MYH2: variants seen among roughly 807,000 people sequenced by gnomAD.
MYH2 encodes the protein myosin heavy chain 2, also known as myosin-2.
A neutral mutation model predicts 228.1 loss-of-function variants in MYH2; 139 were observed. The observed-to-expected ratio is 0.61, with a 90% CI of 0.53 to 0.70. The LOEUF (loss-of-function observed/expected upper bound fraction) is 0.70. Ranked by LOEUF, MYH2 falls within the 30% of genes least tolerant of loss-of-function variation. The pLI is 0.00. For synonymous variants in MYH2, 796 were observed against 871.1 expected (o/e 0.91, Z 1.52); for missense variants, 1,809 against 2,357.5 (o/e 0.77, Z 4.82).
chr17:10,533,214 G>C lies in MYH2; in HGVS notation c.2441+71C>G. The C allele has an allele frequency of 1.3e-6, 2 of 1,596,112 alleles. 1 individual carries two copies. The highest frequency in any genetic ancestry group is 2.2e-5 in the South Asian group (2 of 90,568). ...TTCTTTAGTGTCCTTATCATAAGCT[G>C]AGTCTTAACTGTAAGCCATTTCAAA... On this transcript the variant is annotated intron_variant, in intron 21 of 39. Transcript: ENST00000245503.
intron 5 of MYH2, 98 bp downstream of exon 5, chr17:10,545,248 G>A (rs558200739): frequency 7.5e-6 from 12 of 1,604,960 alleles, no homozygotes; most frequent in Non-Finnish European, 1.0e-5. Context: ...AACTAAAAGG[G>A]ACGATCTCAA....
intron 8 of MYH2, among the ~76,000 whole-genome samples, 196 bp from the exon 9 acceptor site, chr17:10,543,357 G>A (rs966523795): frequency 6.6e-6 from 1 of 152,110 alleles, no homozygotes; most frequent in African/African-American, 2.4e-5. Flanking sequence ...TATTTCTTAA[G>A]TATGTGAAGT....
intron 8 of MYH2, 98 bp from the exon 9 acceptor site, chr17:10,543,259 A>C: frequency 1.1e-6 from 1 of 920,852 alleles, no homozygotes; most frequent in Non-Finnish European, 1.7e-6. Flanking sequence ...TATTAAATCA[A>C]TTCAGAGAGT....
At chr17:10,530,306 T>G (rs1019113638) in intron 22 of MYH2, among the ~76,000 whole-genome samples, 1 of 152,236 alleles carries the variant, frequency 6.6e-6, no homozygotes, top group African/African-American at 2.4e-5. Flanking sequence ...TACAGTAGAT[T>G]AGAAAACCTA....
intron 22 of MYH2, among the ~76,000 whole-genome samples, chr17:10,530,861 G>C (rs2073416127): frequency 6.6e-6 from 1 of 152,182 alleles, no homozygotes; most frequent in African/African-American, 2.4e-5. Flanking sequence ...TCTAGAAGGA[G>C]TTATTATACT....
At chr17:10,545,313 T>A in intron 5 of MYH2, 33 bp downstream of exon 5, 1 of 1,612,222 alleles carries the variant, frequency 6.2e-7, no homozygotes, top group South Asian at 1.1e-5. Context: ...GCTCTAAAGG[T>A]TTACGCACTT....
chr17:10,545,268 T>A, intron 5 of MYH2, 78 bp downstream of exon 5: 2 of 1,601,444 alleles, frequency 1.2e-6, no homozygotes, highest in Non-Finnish European at 1.7e-6. Context: ...AGGAATGTGT[T>A]GAGATTGCCT....
chr17:10,534,245 C>T (rs2073457017), intron 19 of MYH2, among the ~76,000 whole-genome samples: 1 of 152,182 alleles, frequency 6.6e-6, no homozygotes, highest in African/African-American at 2.4e-5. Flanking sequence ...TTCCCTCTGC[C>T]TCCAGGAAAC....
At chr17:10,545,591 G>A in intron 4 of MYH2, 89 bp from the exon 5 acceptor site, 1 of 1,530,496 alleles carries the variant, frequency 6.5e-7, no homozygotes, top group East Asian at 2.4e-5. Context: ...TTGAGACAGG[G>A]TCTTGCTCTG....
chr17:10,527,988 T>C, intron 27 of MYH2, 114 bp from the exon 28 acceptor site: 6 of 1,297,876 alleles, frequency 4.6e-6, no homozygotes, highest in Non-Finnish European at 6.3e-6. Flanking sequence ...TATCTTAATA[T>C]AGAAAAGAAA....
At chr17:10,538,360 T>C (rs2142311887) in intron 14 of MYH2, among the ~76,000 whole-genome samples, 1 of 151,546 alleles carries the variant, frequency 6.6e-6, no homozygotes, top group Non-Finnish European at 1.5e-5. Flanking sequence ...AGTATGACAA[T>C]ATACATTTGT....
At position 10,524,723 on chromosome 17, in the gene MYH2, A is replaced by C. The variant is rs188567298; in HGVS notation, c.4971+34T>G. 1 of 1,614,252 alleles carries C rather than the reference A, an allele frequency of 6.2e-7. No individual in the cohort carries two copies. The highest frequency in any genetic ancestry group is 8.5e-7 in the Non-Finnish European group (1 of 1,180,044). ...ATGTTCTCAGGGTTGCAGGCACCCCAATAGTCCTGGGACCATCTCTTGGAC... is the reference window on the plus strand; with the variant it reads ...ATGTTCTCAGGGTTGCAGGCACCCCCATAGTCCTGGGACCATCTCTTGGAC... On this transcript the variant is annotated intron_variant, in intron 34 of 39. Coordinates refer to ENST00000245503, the MANE Select transcript of MYH2 (RefSeq NM_017534.6). This position sits in a 1 kb window ranked among gnomAD's most constrained non-coding sequence, Gnocchi z 4.7.
rs756953958 is a variant in MYH2 at position 10,544,100 on chromosome 17, G to A, written c.533C>T (p.Thr178Ile). The change falls in exon 6 of 40, where the codon ACT becomes ATT. Residue 178 changes from threonine to isoleucine, a missense_variant and splice_region_variant. By Grantham distance (89) the Thr-to-Ile change is moderately conservative. Coordinates refer to ENST00000245503, the MANE Select transcript of MYH2 (RefSeq NM_017534.6). ...TDRENQSILITGESGAGKTVN... is the reference protein window; with the variant it reads ...TDRENQSILIIGESGAGKTVN... ...TAAAGAAAGCATAAAATCTACTTAC[G>A]TGATCAGGATTGACTGATTCTCTCG... The A allele has an allele frequency of 1.5e-5, 24 of 1,613,914 alleles. No homozygotes were observed. Among genetic ancestry groups the A allele is most frequent in the South Asian group, 8.8e-5 (8 of 91,072 alleles).
intron 14 of MYH2, among the ~76,000 whole-genome samples, chr17:10,538,056 C>T (rs2142311542): frequency 6.6e-6 from 1 of 152,220 alleles, no homozygotes; most frequent in East Asian, 1.9e-4. Context: ...AAAATCCTAC[C>T]ATTATGATAT....
intron 8 of MYH2, 104 bp downstream of exon 8, chr17:10,543,607 G>C (rs2073586719): frequency 2.0e-6 from 3 of 1,490,052 alleles, no homozygotes; most frequent in Non-Finnish European, 2.8e-6. Context: ...AAAGAACAAT[G>C]ATGTAATAGA....
At position 10,537,806 on chromosome 17, in the gene MYH2, G is replaced by A; in HGVS notation, c.1446C>T (p.Asn482=). The A allele has an allele frequency of 1.2e-6, 2 of 1,614,178 alleles. No individual in the cohort carries two copies. Among genetic ancestry groups the A allele is most frequent in the Non-Finnish European group, 1.7e-6 (2 of 1,180,030 alleles). The change falls in exon 15 of 40, where the codon AAC becomes AAT. Residue 482 remains asparagine, a synonymous_variant. Coordinates refer to ENST00000245503, the MANE Select transcript of MYH2 (RefSeq NM_017534.6). The surrounding 1 kb of genome is among the most constrained non-coding windows in gnomAD (Gnocchi z 4.0). ...ACTGTTGCAGTTTCTCATTGGTGAA[G>A]TTGATGCACAGCTGCTCCAGGCTGT... ...DFNSLEQLCI[N]FTNEKLQQFF...
chr17:10,541,437 C>G (rs576544803), intron 10 of MYH2, among the ~76,000 whole-genome samples: 14 of 152,300 alleles, frequency 9.2e-5, no homozygotes, highest in African/African-American at 3.1e-4. Flanking sequence ...ACAAGGAAAT[C>G]CCGCCTAGTA....
Position 10,525,235 on chromosome 17 carries a change from C to T in MYH2, c.4651G>A (p.Glu1551Lys), listed in dbSNP as rs1567727764. Residue 1551 changes from glutamate to lysine, a missense_variant, in exon 33 of 40, where the codon GAA becomes AAA. Glu to Lys is a moderately conservative substitution (Grantham distance 56). Around this residue, in one of 9 missense-constraint regions of MYH2, gnomAD observed 636 missense variants for 729.9 expected, o/e 0.87. Transcript: ENST00000245503. This position sits in a 1 kb window ranked among gnomAD's most constrained non-coding sequence, Gnocchi z 4.2. ...QEKCELQAAL[E>K]EAEASLEHEE... ...AATTTTACATGTACCTCTGCTTCTT[C>T]TAAAGCAGCCTGAAGTTCACACTTT... 6.2e-7 allele frequency: 1 copy of T among 1,614,008 alleles called. No homozygotes were observed. The highest frequency in any genetic ancestry group is 1.1e-5 in the South Asian group (1 of 91,082).
rs764225335 is a variant in MYH2, at chr17:10,529,267, G to A, written c.3264-15C>T. 1.9e-6 allele frequency: 3 copies of A among 1,614,104 alleles called. No individual in the cohort carries two copies. The East Asian group carries it at 6.7e-5, about 36-fold the overall frequency. On this transcript the variant is annotated splice_polypyrimidine_tract_variant and intron_variant, in intron 25 of 39. Coordinates refer to ENST00000245503, the MANE Select transcript of MYH2 (RefSeq NM_017534.6). ...CAAACTCTTTCCTTTTAGAAAAGTA[G>A]CAAAGGACAACAATTTAGTCCGTAT...
Sources: allele counts gnomAD v4.1 joint callset (sites outside exome capture counted in the v4.1 genomes callset), GRCh38; gene constraint gnomAD v4.1.1; regional missense constraint gnomAD v4.1.1; non-coding constraint Gnocchi (gnomAD v3.1); transcripts MANE v1.5; gene names NCBI Gene and HGNC (gene_info 2026-07-23, HGNC 2026-07-21).